The following MYOF variants were observed in gnomAD, a reference collection of about 807,000 sequenced individuals.
MYOF encodes fer-1-like 3, myoferlin.
Under a neutral mutation model 284.2 loss-of-function variants are expected in MYOF, and 244 were observed. The observed-to-expected ratio is 0.86, with a 90% CI of 0.77 to 0.95. MYOF has a LOEUF of 0.95. Ranked by LOEUF, MYOF falls within the 40% of genes least tolerant of loss-of-function variation. The probability of loss-of-function intolerance (pLI) is 0.00; values close to 1 mark genes in which losing one functional copy is unlikely to be tolerated. For missense variants in MYOF, 2,496 were observed against 2,560.6 expected (o/e 0.97, Z 0.54); for synonymous variants, 904 against 919.7 (o/e 0.98, Z 0.31).
intron 11 of MYOF, among the ~76,000 whole-genome samples, chr10:93,401,794 T>TGC (rs1847306766): frequency 2.1e-4 from 2 of 9,456 alleles, no homozygotes; most frequent in African/African-American, 3.3e-4. Context: ...AGCCTGTGCG[T>TGC]GTGTGTGTGT....
chr10:93,413,714 C>T (rs1018920706), intron 5 of MYOF, among the ~76,000 whole-genome samples: 4 of 152,180 alleles, frequency 2.6e-5, no homozygotes, highest in Non-Finnish European at 4.4e-5. Flanking sequence ...TCTGGCTAGG[C>T]GCAGGGGCTC....
intron 43 of MYOF, among the ~76,000 whole-genome samples, chr10:93,331,142 G>A (rs971838527): frequency 3.9e-5 from 6 of 152,064 alleles, no homozygotes; most frequent in Non-Finnish European, 7.4e-5. Flanking sequence ...GGAAGACACC[G>A]ATATTCTTTT....
intron 5 of MYOF, among the ~76,000 whole-genome samples, chr10:93,411,902 G>A (rs1013017411): frequency 6.6e-6 from 1 of 152,188 alleles, no homozygotes; most frequent in East Asian, 1.9e-4. Context: ...CTCCTCCCCC[G>A]ATCTGCTTTT....
intron 7 of MYOF, 48 bp from the exon 8 acceptor site, chr10:93,404,267 G>A (rs1564690083): frequency 1.3e-6 from 2 of 1,590,858 alleles, no homozygotes; most frequent in Non-Finnish European, 1.7e-6. Flanking sequence ...GGGGATTCGG[G>A]TTAGGGGAAT....
At chr10:93,313,543 T>C (rs1842485696) in intron 50 of MYOF, among the ~76,000 whole-genome samples, 1 of 152,214 alleles carries the variant, frequency 6.6e-6, no homozygotes, top group African/African-American at 2.4e-5. Flanking sequence ...GTTTTCCTTT[T>C]AGTTCTGAGC....
rs546825068 is a variant in MYOF at position 93,360,779 on chromosome 10, CA to C, written c.2974+672del. On this transcript the variant is annotated intron_variant, in intron 28 of 53. Transcript: ENST00000359263. The stretch of plus-strand genomic sequence containing the variant: ...TAGTTTACAGTTCTCTTTTCTGCGT[CA>C]GGGGGGCCCTGAATGTGATGTTCCC... 6.3e-4 allele frequency among the ~76,000 whole-genome samples: 96 copies of C among 152,314 alleles called. 1 individual carries two copies. The highest frequency in any genetic ancestry group is 2.0e-3 in the African/African-American group (83 of 41,558).
chr10:93,464,985 C>T (rs918964604), intron 1 of MYOF, among the ~76,000 whole-genome samples: 3 of 152,204 alleles, frequency 2.0e-5, no homozygotes, highest in Non-Finnish European at 2.9e-5. Context: ...ACATTTCACA[C>T]ACCCCTGAAC....
At chr10:93,422,673 G>A (rs956406493) in intron 5 of MYOF, among the ~76,000 whole-genome samples, 4 of 152,132 alleles carry the variant, frequency 2.6e-5, no homozygotes, top group African/African-American at 9.7e-5. Flanking sequence ...GTGCACACCT[G>A]TAATACCAGC....
chr10:93,448,581 A>G (rs2056503467), intron 3 of MYOF, among the ~76,000 whole-genome samples: 1 of 152,218 alleles, frequency 6.6e-6, no homozygotes, highest in Non-Finnish European at 1.5e-5. Flanking sequence ...AAAATAGATA[A>G]GGCATAAAAT....
intron 39 of MYOF, among the ~76,000 whole-genome samples, chr10:93,338,979 G>A (rs1298577821): frequency 1.3e-5 from 2 of 149,740 alleles, no homozygotes; most frequent in African/African-American, 2.4e-5. Context: ...AGAGCCTCTT[G>A]GGGGAAAGGA....
chr10:93,337,194 A>G (rs1843655964), intron 40 of MYOF, among the ~76,000 whole-genome samples: 1 of 146,230 alleles, frequency 6.8e-6, no homozygotes, highest in South Asian at 2.2e-4. Context: ...TTCTCATTCT[A>G]AAGTTTTTTT....
intron 49 of MYOF, among the ~76,000 whole-genome samples, chr10:93,318,588 G>A (rs1036906172): frequency 4.6e-5 from 7 of 151,924 alleles, no homozygotes; most frequent in Non-Finnish European, 8.8e-5. Flanking sequence ...GAGAAACCCC[G>A]TCTCTACTAA....
chr10:93,417,742 A>T (rs1357616235), intron 5 of MYOF, among the ~76,000 whole-genome samples: 1 of 152,050 alleles, frequency 6.6e-6, no homozygotes, highest in African/African-American at 2.4e-5. Context: ...CTTCCCAGTG[A>T]AGGCAACTCC....
intron 1 of MYOF, among the ~76,000 whole-genome samples, chr10:93,476,638 T>G (rs2057270812): frequency 6.6e-6 from 1 of 152,144 alleles, no homozygotes. Flanking sequence ...ATTGGATACA[T>G]CACAGCCTTT....
At chr10:93,374,667 TGTA>T (rs1845753319) in intron 23 of MYOF, 93 bp downstream of exon 23, 1 of 1,260,018 alleles carries the variant, frequency 7.9e-7, no homozygotes, top group African/African-American at 1.5e-5. Context: ...TCCAAGATAA[TGTA>T]GTAGATTCTC....
At chr10:93,473,498 C>G (rs1366502454) in intron 1 of MYOF, among the ~76,000 whole-genome samples, 1 of 152,230 alleles carries the variant, frequency 6.6e-6, no homozygotes, top group Non-Finnish European at 1.5e-5. Context: ...TCACTAAGGA[C>G]AGCCAATTTG....
Position 93,431,420 on chromosome 10 carries a change from C to T in MYOF, c.333G>A (p.Gly111=), listed in dbSNP as rs1469779796. ...AGAAAACACTCACCCCAGTATCTTG[C>T]CCTTTTTCATTTAGCAGGGAGATCA... ...YKLISLLNEK[G]QDTGATIDLV... The change falls in exon 4 of 54, where the codon GGG becomes GGA. Residue 111 remains glycine, a synonymous_variant. Transcript: ENST00000359263. 1.2e-5 allele frequency: 19 copies of T among 1,613,862 alleles called. No individual in the cohort carries two copies. Among genetic ancestry groups the T allele is most frequent in the East Asian group, 2.2e-5 (1 of 44,864 alleles).
At position 93,366,205 on chromosome 10, in the gene MYOF, G is replaced by T. The variant is rs189875623; in HGVS notation, c.2753+187C>A. Among the ~76,000 whole-genome samples the T allele has an allele frequency of 4.0e-4, 61 of 152,206 alleles. No individual in the cohort carries two copies. The East Asian group carries it at 8.3e-3, about 21-fold the overall frequency. ...TTTCTCAAAATGTTAGTTACCAGGTGCTTTTTATATTAGCCTGTCTTATGG... is the reference window on the plus strand; with the variant it reads ...TTTCTCAAAATGTTAGTTACCAGGTTCTTTTTATATTAGCCTGTCTTATGG... On this transcript the variant is annotated intron_variant, in intron 26 of 53. Coordinates refer to ENST00000359263, the MANE Select transcript of MYOF (RefSeq NM_013451.4).
chr10:93,312,015 T>C (rs911084931), intron 51 of MYOF, among the ~76,000 whole-genome samples: 3 of 152,214 alleles, frequency 2.0e-5, no homozygotes, highest in African/African-American at 7.2e-5. Flanking sequence ...ATCTTGATTA[T>C]GGTTCAGTGA....
Sources: gnomAD v4.1 joint callset for allele counts (sites outside exome capture counted in the v4.1 genomes callset) on GRCh38, gnomAD v4.1.1 for gene constraint, MANE v1.5 for transcripts, NCBI Gene and HGNC (gene_info 2026-07-23, HGNC 2026-07-21) for gene names.